TENM4: variants seen among roughly 807,000 people sequenced by gnomAD.
TENM4 encodes the protein teneurin transmembrane protein 4.
TENM4 carries 82 observed loss-of-function variants against 243.3 expected under a neutral mutation model. That is an observed-to-expected ratio of 0.34 (90% CI 0.28 to 0.40). TENM4 has a LOEUF of 0.40. Among genes scored for constraint, TENM4 ranks in the 10% least tolerant of loss-of-function variants. The pLI is 1.00. For synonymous variants in TENM4, 1,412 were observed against 1,456.3 expected (o/e 0.97, Z 0.69); for missense variants, 3,138 against 3,673.3 (o/e 0.85, Z 3.77).
intron 6 of TENM4, among the ~76,000 whole-genome samples, chr11:78,980,358 T>C (rs1405864519): frequency 6.6e-6 from 1 of 152,208 alleles, no homozygotes; most frequent in African/African-American, 2.4e-5. Context: ...TCAATCAACA[T>C]GGCCAATGTC....
intron 1 of TENM4, among the ~76,000 whole-genome samples, chr11:79,427,189 T>C (rs1309209907): frequency 6.6e-6 from 1 of 152,168 alleles, no homozygotes; most frequent in Non-Finnish European, 1.5e-5. Flanking sequence ...CTGGTCTTGG[T>C]TCCATGCTTC....
intron 2 of TENM4, among the ~76,000 whole-genome samples, chr11:79,217,054 C>T (rs1463121307): frequency 6.6e-6 from 1 of 152,140 alleles, no homozygotes; most frequent in Non-Finnish European, 1.5e-5. Context: ...AACTGGGGGA[C>T]ACGTGAGGTC....
intron 2 of TENM4, among the ~76,000 whole-genome samples, chr11:79,277,157 G>A (rs1194235473): frequency 1.3e-5 from 2 of 152,176 alleles, no homozygotes; most frequent in Non-Finnish European, 2.9e-5. Flanking sequence ...GCTACCAGGG[G>A]CTGTGCCAGG....
chr11:79,376,623 GATGA>G (rs5792850), intron 1 of TENM4, among the ~76,000 whole-genome samples: 1 of 151,896 alleles, frequency 6.6e-6, no homozygotes, highest in Non-Finnish European at 1.5e-5. Flanking sequence ...ATAACTTTTC[GATGA>G]ATGAATGAAT....
intron 18 of TENM4, among the ~76,000 whole-genome samples, chr11:78,758,377 T>A (rs1033052865): frequency 6.6e-6 from 1 of 152,188 alleles, no homozygotes; most frequent in African/African-American, 2.4e-5. Flanking sequence ...GCCAGAAAAC[T>A]GTAACTTCAT....
chr11:79,300,210 A>G (rs1856528410), intron 1 of TENM4, among the ~76,000 whole-genome samples: 1 of 152,190 alleles, frequency 6.6e-6, no homozygotes, highest in African/African-American at 2.4e-5. Context: ...ACCTAACACC[A>G]TCAATATGAT....
rs139770249 is a variant in TENM4 at position 78,994,616 on chromosome 11, C to T, written c.493+70122G>A. Among the ~76,000 whole-genome samples the T allele has an allele frequency of 2.0e-3, 311 of 152,298 alleles. 2 individuals are homozygous for T. The highest frequency in any genetic ancestry group is 3.4e-3 in the Middle Eastern group (1 of 294). On this transcript the variant is annotated intron_variant, in intron 6 of 33. Transcript: ENST00000278550. ...CATACACTGTGTTCATTTTTACAAT[C>T]GCTTACGGTAGGATGGCTAGTCCAA... is the stretch of plus-strand genomic sequence containing the variant.
At chr11:79,273,169 C>T (rs1403308504) in intron 2 of TENM4, among the ~76,000 whole-genome samples, 1 of 152,174 alleles carries the variant, frequency 6.6e-6, no homozygotes, top group Non-Finnish European at 1.5e-5. Flanking sequence ...TAAAATGGGG[C>T]TATCAATCTG....
At chr11:79,381,405 T>C (rs565461904) in intron 1 of TENM4, among the ~76,000 whole-genome samples, 63 of 151,638 alleles carry the variant, frequency 4.2e-4, no homozygotes, top group Non-Finnish European at 8.2e-4. Context: ...TCTAAAATGC[T>C]CCAAGGCTCC....
intron 9 of TENM4, among the ~76,000 whole-genome samples, chr11:78,868,483 AT>A (rs1192756243): frequency 6.6e-6 from 1 of 152,182 alleles, no homozygotes; most frequent in Non-Finnish European, 1.5e-5. Context: ...GGAAGTTCTG[AT>A]TCTCTTGGCT....
At chr11:79,059,020 G>T (rs910188683) in intron 6 of TENM4, among the ~76,000 whole-genome samples, 8 of 152,210 alleles carry the variant, frequency 5.3e-5, no homozygotes, top group Non-Finnish European at 1.2e-4. Flanking sequence ...GATAAATGGA[G>T]TTAATTGGTA....
In TENM4 at chr11:79,275,226, G is replaced by GGTGTGT. The variant is rs756371184; in HGVS notation, c.-265+22256_-265+22261dup. Reference sequence around the variant, plus strand: ...GAAGGTGCTGGGTATGTGTGAGCGGGGTGTGTGTGTGTGTGTCTGTGTGTG... The same window carrying GGTGTGT: ...GAAGGTGCTGGGTATGTGTGAGCGGGGTGTGTGTGTGTGTGTGTGTGTCTGTGTGTG... On this transcript the variant is annotated intron_variant, in intron 2 of 33. Transcript: ENST00000278550. Among the ~76,000 whole-genome samples, 293 of 143,504 alleles carry GGTGTGT rather than the reference G, an allele frequency of 2.0e-3. 3 individuals carry two copies. Among genetic ancestry groups the GGTGTGT allele is most frequent in the African/African-American group, 7.5e-3 (282 of 37,490 alleles). The allele number at this position is 143,504 out of a possible 152,430, so 94.1% of individuals were successfully genotyped here. A position where few individuals can be genotyped will look rare whatever the true frequency, so the allele number is the denominator to read the frequency against.
intron 2 of TENM4, among the ~76,000 whole-genome samples, chr11:79,246,202 T>C (rs762948603): frequency 2.6e-5 from 4 of 152,180 alleles, no homozygotes; most frequent in Non-Finnish European, 4.4e-5. Flanking sequence ...GCTAGATATA[T>C]GCTAAGCACA....
At chr11:79,210,987 G>C (rs1474823865) in intron 3 of TENM4, among the ~76,000 whole-genome samples, 1 of 151,990 alleles carries the variant, frequency 6.6e-6, no homozygotes, top group Non-Finnish European at 1.5e-5. Context: ...CCTTGGCCTG[G>C]CATCCAAACC....
In TENM4 at chr11:78,701,914, T is replaced by C; in HGVS notation, c.4699A>G (p.Lys1567Glu). 1 of 1,614,010 alleles carries C rather than the reference T, an allele frequency of 6.2e-7. No individual in the cohort carries two copies. Among genetic ancestry groups the C allele is most frequent in the Non-Finnish European group, 8.5e-7 (1 of 1,179,890 alleles). ...ATGTTCTGGGTGTTGAGGAAAGGCT[T>C]GTTCTTCCGGATAAACCGAATTCGG... ...NIRIRFIRKN[K>E]PFLNTQNMYE... Residue 1567 changes from lysine (K) to glutamate (E), a missense_variant, in exon 28 of 34, where the codon AAG becomes GAG. Physicochemically the swap from Lys to Glu is moderately conservative, Grantham distance 56. Around this residue, in one of 2 missense-constraint regions of TENM4, gnomAD observed 2,467 missense variants for 3,059.1 expected, o/e 0.81. Coordinates refer to ENST00000278550, the MANE Select transcript of TENM4 (RefSeq NM_001098816.3).
At chr11:78,801,666 C>G (rs950075973) in intron 15 of TENM4, among the ~76,000 whole-genome samples, 2 of 152,196 alleles carry the variant, frequency 1.3e-5, no homozygotes, top group Non-Finnish European at 2.9e-5. Flanking sequence ...CAGCAAGACA[C>G]TCATCTCAGG....
chr11:79,053,497 T>C (rs890472452), intron 6 of TENM4, among the ~76,000 whole-genome samples: 4 of 152,234 alleles, frequency 2.6e-5, no homozygotes, highest in African/African-American at 9.6e-5. Context: ...CCTGCTATGA[T>C]GCAACCCAGC....
intron 19 of TENM4, among the ~76,000 whole-genome samples, chr11:78,755,959 G>T (rs1856295489): frequency 6.6e-6 from 1 of 152,182 alleles, no homozygotes; most frequent in African/African-American, 2.4e-5. Context: ...ACATTCAAAA[G>T]AAATGATTAT....
At chr11:78,964,479 C>A (rs979487622) in intron 6 of TENM4, among the ~76,000 whole-genome samples, 19 of 152,126 alleles carry the variant, frequency 1.2e-4, no homozygotes, top group African/African-American at 1.4e-4. Context: ...AATAAATGAC[C>A]AAGGTACAAC....
Sources: allele counts gnomAD v4.1 joint callset (sites outside exome capture counted in the v4.1 genomes callset), GRCh38; gene constraint gnomAD v4.1.1; regional missense constraint gnomAD v4.1.1; transcripts MANE v1.5; gene names NCBI Gene and HGNC (gene_info 2026-07-23, HGNC 2026-07-21).